The following STS variants were observed in gnomAD, a reference collection of about 807,000 sequenced individuals.
STS encodes steryl-sulfatase.
A neutral mutation model predicts 26.8 loss-of-function variants in STS; 7 were observed. The ratio of observed to expected loss-of-function variants is 0.26; its 90% confidence interval spans 0.15 to 0.49. The LOEUF (loss-of-function observed/expected upper bound fraction) is 0.49, where lower values mean the gene tolerates loss of function less well. STS is among the 20% of genes least tolerant of loss of function. STS has a pLI of 0.98. For missense variants in STS, 434 were observed against 465.6 expected, an observed-to-expected ratio of 0.93 and a Z score of 0.63; for synonymous variants, 199 against 189.4, an observed-to-expected ratio of 1.05 and a Z score of -0.42.
chrX:7,254,014 C>T (rs1288983743), intron 3 of STS, among the ~76,000 whole-genome samples: 1 of 111,970 alleles, frequency 8.9e-6, no homozygotes, highest in Admixed American at 9.4e-5. Flanking sequence ...GGAGGGAGCT[C>T]TCTGGGTCCC....
chrX:7,253,143 C>T, intron 2 of STS, 53 bp from the exon 3 acceptor site: 10 of 1,198,572 alleles, frequency 8.3e-6, no homozygotes, highest in Non-Finnish European at 1.1e-5. Flanking sequence ...AGAGCAAAAC[C>T]TTGTCTCAAG....
chrX:7,314,306 T>C (rs1926613835), intron 8 of STS, among the ~76,000 whole-genome samples: 1 of 111,298 alleles, frequency 9.0e-6, no homozygotes. Context: ...GCAGTGAGAC[T>C]TGATTGCACC....
At chrX:7,328,310 C>G (rs967381126) in intron 9 of STS, among the ~76,000 whole-genome samples, 6 of 111,540 alleles carry the variant, frequency 5.4e-5, no homozygotes. Flanking sequence ...AGTTCAGAGG[C>G]AAAGAGGAAG....
At chrX:7,149,529 C>T (rs767455487) in intron 1 of STS, among the ~76,000 whole-genome samples, 1 of 112,064 alleles carries the variant, frequency 8.9e-6, no homozygotes, top group South Asian at 3.7e-4. Flanking sequence ...TTTGAGGACA[C>T]GGGATTTCAG....
chrX:7,150,820 A>G (rs1217404821), intron 1 of STS, among the ~76,000 whole-genome samples: 1 of 112,016 alleles, frequency 8.9e-6, no homozygotes, highest in Non-Finnish European at 1.9e-5. Flanking sequence ...TTGTTCTAGC[A>G]ATGTGGTTTG....
chrX:7,291,731 C>A (rs150083676), intron 7 of STS, among the ~76,000 whole-genome samples: 28 of 112,176 alleles, frequency 2.5e-4, no homozygotes, highest in African/African-American at 8.7e-4. Context: ...ACTGTTGCAC[C>A]TATTCACACT....
intron 6 of STS, among the ~76,000 whole-genome samples, chrX:7,270,636 G>A (rs1924224109): frequency 1.8e-5 from 2 of 111,980 alleles, no homozygotes; most frequent in Admixed American, 9.5e-5. Flanking sequence ...TGGTATCTCT[G>A]ATGTCACCCC....
chrX:7,325,918 G>C (rs1014601235), intron 9 of STS, among the ~76,000 whole-genome samples: 3 of 112,177 alleles, frequency 2.7e-5, no homozygotes, highest in Non-Finnish European at 3.8e-5. Context: ...TGGAACGGGG[G>C]TCTTATGACC....
intron 1 of STS, among the ~76,000 whole-genome samples, chrX:7,152,159 A>G (rs746319996): frequency 2.4e-4 from 26 of 107,277 alleles, no homozygotes; most frequent in East Asian, 6.1e-4. Context: ...TCACCATGTT[A>G]GCCAGGATGG....
chrX:7,305,803 C>T (rs987387579), intron 8 of STS, among the ~76,000 whole-genome samples: 2 of 111,797 alleles, frequency 1.8e-5, no homozygotes, highest in Non-Finnish European at 3.8e-5. Flanking sequence ...CCCTGCCTCC[C>T]TCTTATGAGG....
At chrX:7,214,946 T>C (rs1482153060) in intron 2 of STS, among the ~76,000 whole-genome samples, 1 of 91,879 alleles carries the variant, frequency 1.1e-5, no homozygotes, top group African/African-American at 4.0e-5. Context: ...TATATATACA[T>C]ATATACGTAT....
chrX:7,187,149 T>C (rs1933787902), intron 1 of STS, among the ~76,000 whole-genome samples: 1 of 112,290 alleles, frequency 8.9e-6, no homozygotes, highest in Non-Finnish European at 1.9e-5. Flanking sequence ...GGGTCTTCCC[T>C]TGACATCTAA....
chrX:7,210,766 C>A (rs1175010749), intron 2 of STS, among the ~76,000 whole-genome samples: 2 of 109,184 alleles, frequency 1.8e-5, no homozygotes, highest in East Asian at 5.7e-4. Flanking sequence ...GTAAAATATG[C>A]AAATAAATTT....
intron 7 of STS, among the ~76,000 whole-genome samples, chrX:7,289,420 T>A (rs1925301464): frequency 9.0e-6 from 1 of 111,661 alleles, no homozygotes; most frequent in Non-Finnish European, 1.9e-5. Flanking sequence ...CCCACTTGGA[T>A]GAGGAGCACA....
At chrX:7,341,694 G>A (rs1422686330) in intron 10 of STS, among the ~76,000 whole-genome samples, 7 of 111,648 alleles carry the variant, frequency 6.3e-5, no homozygotes, top group African/African-American at 9.8e-5. Flanking sequence ...AGGGGACTGT[G>A]GAGTGTATTT....
chrX:7,245,765 T>A (rs1028503516), intron 2 of STS, among the ~76,000 whole-genome samples: 5 of 112,066 alleles, frequency 4.5e-5, no homozygotes, highest in Non-Finnish European at 9.4e-5. Flanking sequence ...CTTCCTCCCA[T>A]GCAAGGAATC....
At chrX:7,299,197 TATA>T (rs1925834329) in intron 7 of STS, among the ~76,000 whole-genome samples, 1 of 95,388 alleles carries the variant, frequency 1.0e-5, no homozygotes, top group South Asian at 4.2e-4. Flanking sequence ...TATATAAATA[TATA>T]ATTATATAAA....
rs1287312583 is a variant in STS, at chrX:7,266,018, G to A, written c.806+6246G>A. Among the ~76,000 whole-genome samples the A allele has an allele frequency of 5.4e-5, 6 of 111,809 alleles. No homozygotes were observed. In the Admixed American group the frequency reaches 5.7e-4, roughly 11 times the overall value. The stretch of plus-strand genomic sequence containing the variant: ...CAGAATATCCTGAGCAATTTAGCCA[G>A]GTCTTACCACCTTTGTGAGAAATGG... On this transcript the variant is annotated intron_variant, in intron 6 of 10. Transcript: ENST00000674429.
At chrX:7,250,179 C>T (rs1022870261) in intron 2 of STS, among the ~76,000 whole-genome samples, 3 of 110,821 alleles carry the variant, frequency 2.7e-5, no homozygotes, top group East Asian at 2.8e-4. Context: ...CCTCCCTGCT[C>T]GGCCTCCCAA....
Sources: gnomAD v4.1 joint callset for allele counts (sites outside exome capture counted in the v4.1 genomes callset) on GRCh38, gnomAD v4.1.1 for gene constraint, MANE v1.5 for transcripts, NCBI Gene and HGNC (gene_info 2026-07-23, HGNC 2026-07-21) for gene names.